PTPRT: variants seen among roughly 807,000 people sequenced by gnomAD.
The protein encoded by PTPRT is receptor-type tyrosine-protein phosphatase T.
Under a neutral mutation model 176.8 loss-of-function variants are expected in PTPRT, and 56 were observed. The observed-to-expected ratio is 0.32, with a 90% confidence interval of 0.26 to 0.40. The LOEUF is 0.40. Among genes scored for constraint, PTPRT ranks in the 10% least tolerant of loss-of-function variants. The probability of loss-of-function intolerance (pLI) is 1.00; values close to 1 mark genes in which losing one functional copy is unlikely to be tolerated. For missense variants in PTPRT, 1,540 were observed against 1,908.2 expected, an observed-to-expected ratio of 0.81 and a Z score of 3.60; for synonymous variants, 783 against 739.0, an observed-to-expected ratio of 1.06 and a Z score of -0.96.
chr20:42,588,702 T>C (rs2073516041), intron 7 of PTPRT, among the ~76,000 whole-genome samples: 1 of 152,252 alleles, frequency 6.6e-6, no homozygotes, highest in African/African-American at 2.4e-5. Flanking sequence ...TACTAGAAAA[T>C]TTTAAATTAC....
chr20:43,020,441 C>T (rs1283143348), intron 1 of PTPRT, among the ~76,000 whole-genome samples: 2 of 151,990 alleles, frequency 1.3e-5, no homozygotes, highest in Non-Finnish European at 2.9e-5. Context: ...AAGGGAGGGA[C>T]AATGGAATAC....
intron 6 of PTPRT, among the ~76,000 whole-genome samples, chr20:42,688,980 G>A (rs143711403): frequency 6.6e-6 from 1 of 152,288 alleles, no homozygotes; most frequent in African/African-American, 2.4e-5. Context: ...GCTGGGAAGT[G>A]GCAGGCCCAG....
intron 19 of PTPRT, among the ~76,000 whole-genome samples, chr20:42,125,625 TC>T (rs1987816811): frequency 6.6e-6 from 1 of 152,222 alleles, no homozygotes; most frequent in African/African-American, 2.4e-5. Context: ...TGGTTTCCTG[TC>T]TTTAAAGGCT....
intron 17 of PTPRT, among the ~76,000 whole-genome samples, chr20:42,147,498 G>T (rs1171816490): frequency 6.6e-6 from 1 of 152,114 alleles, no homozygotes; most frequent in African/African-American, 2.4e-5. Flanking sequence ...ATCTCATGGG[G>T]CCCCACAGAA....
chr20:42,450,905 A>G (rs2070816230), intron 8 of PTPRT, among the ~76,000 whole-genome samples: 1 of 152,178 alleles, frequency 6.6e-6, no homozygotes, highest in Admixed American at 6.6e-5. Context: ...ACTCTGACAT[A>G]AAGGGATATG....
At chr20:42,751,642 A>G (rs1426661631) in intron 6 of PTPRT, among the ~76,000 whole-genome samples, 1 of 152,142 alleles carries the variant, frequency 6.6e-6, no homozygotes, top group Non-Finnish European at 1.5e-5. Context: ...CCGGCAGAAG[A>G]AGGTGAAAGA....
At chr20:42,494,510 A>G (rs552296907) in intron 7 of PTPRT, among the ~76,000 whole-genome samples, 2 of 152,238 alleles carry the variant, frequency 1.3e-5, no homozygotes, top group South Asian at 4.1e-4. Flanking sequence ...GGGTTTGGGA[A>G]TAATGTGTCA....
chr20:42,434,287 T>TA (rs2059242011), intron 9 of PTPRT, among the ~76,000 whole-genome samples: 2 of 152,136 alleles, frequency 1.3e-5, no homozygotes, highest in Admixed American at 1.3e-4. Context: ...GAATATCTCT[T>TA]ACGCCTGTTG....
At chr20:42,800,509 T>C (rs1288138799) in intron 2 of PTPRT, among the ~76,000 whole-genome samples, 1 of 152,176 alleles carries the variant, frequency 6.6e-6, no homozygotes. Flanking sequence ...TTGGGCTGAG[T>C]CCCTTGCTTC....
chr20:42,677,903 C>A lies in PTPRT; in HGVS notation c.1116G>T (p.Pro372=), dbSNP rs201463497. Reference sequence around the variant, plus strand: ...TCCTGGTGGTGAGGGGAGGCCCTGGCGGTCCCGTACCCCCCTCACCTGGTC... The same window carrying A: ...TCCTGGTGGTGAGGGGAGGCCCTGGAGGTCCCGTACCCCCCTCACCTGGTC... The part of the protein sequence containing the change: ...LTRPGEGGTG[P]PGPPLTTRTK... Residue 372 remains proline (P), a synonymous_variant, in exon 7 of 31, where the codon CCG becomes CCT. Coordinates refer to ENST00000373187, the MANE Select transcript of PTPRT (RefSeq NM_007050.6). The A allele has an allele frequency of 5.0e-6, 8 of 1,613,762 alleles. No homozygotes were observed. The highest frequency in any genetic ancestry group is 3.3e-5 in the South Asian group (3 of 91,072).
chr20:43,087,922 A>G (rs1203463030), intron 1 of PTPRT, among the ~76,000 whole-genome samples: 1 of 152,184 alleles, frequency 6.6e-6, no homozygotes, highest in East Asian at 1.9e-4. Context: ...GAGATTCATT[A>G]AAGGTTACAA....
intron 1 of PTPRT, among the ~76,000 whole-genome samples, chr20:43,171,337 A>T (rs2014993945): frequency 6.6e-6 from 1 of 152,212 alleles, no homozygotes; most frequent in Admixed American, 6.5e-5. Flanking sequence ...GTGAGCCCCG[A>T]CTATGTGTAG....
intron 1 of PTPRT, among the ~76,000 whole-genome samples, chr20:43,105,205 G>C (rs1269773415): frequency 6.6e-6 from 1 of 152,112 alleles, no homozygotes; most frequent in Non-Finnish European, 1.5e-5. Flanking sequence ...CAAACCTACT[G>C]AATCAGTAAC....
intron 1 of PTPRT, among the ~76,000 whole-genome samples, chr20:43,042,590 T>A (rs1328283566): frequency 6.6e-6 from 1 of 152,202 alleles, no homozygotes; most frequent in East Asian, 1.9e-4. Flanking sequence ...GTTTTATAAC[T>A]CTCAGCTGCC....
chr20:42,569,886 T>C (rs1470774239), intron 7 of PTPRT, among the ~76,000 whole-genome samples: 1 of 152,200 alleles, frequency 6.6e-6, no homozygotes, highest in Non-Finnish European at 1.5e-5. Flanking sequence ...ATGTTGTATG[T>C]CACTGATATT....
intron 6 of PTPRT, among the ~76,000 whole-genome samples, chr20:42,753,339 C>A (rs1488149586): frequency 1.3e-5 from 2 of 152,160 alleles, no homozygotes; most frequent in African/African-American, 2.4e-5. Flanking sequence ...AGGAAAAAAT[C>A]AGGTAACATA....
At chr20:42,704,358 A>G (rs1424361191) in intron 6 of PTPRT, among the ~76,000 whole-genome samples, 1 of 151,856 alleles carries the variant, frequency 6.6e-6, no homozygotes, top group Non-Finnish European at 1.5e-5. Context: ...CCCTCACTAC[A>G]ATAAGTCATA....
At chr20:42,609,317 G>A (rs550248060) in intron 7 of PTPRT, among the ~76,000 whole-genome samples, 4 of 151,990 alleles carry the variant, frequency 2.6e-5, no homozygotes, top group South Asian at 4.2e-4. Flanking sequence ...CAAACGATCC[G>A]CCCGCCTCAG....
chr20:42,060,405 A>G, the PTPRT span, among the ~76,000 whole-genome samples: 1 of 152,162 alleles, frequency 6.6e-6, no homozygotes, highest in African/African-American at 2.4e-5. Flanking sequence ...TTGCCTCTCC[A>G]CAGCTGCCTG....
Sources: allele counts gnomAD v4.1 joint callset (sites outside exome capture counted in the v4.1 genomes callset), GRCh38; gene constraint gnomAD v4.1.1; transcripts MANE v1.5; gene names NCBI Gene and HGNC (gene_info 2026-07-23, HGNC 2026-07-21).